PARD3B: variants seen among roughly 807,000 people sequenced by gnomAD.
PARD3B encodes the protein par-3 family cell polarity regulator beta, also known as partitioning defective 3 homolog B.
PARD3B carries 103 observed loss-of-function variants against 130.2 expected under a neutral mutation model. The observed-to-expected ratio is 0.79, with a 90% CI of 0.67 to 0.93. PARD3B has a LOEUF of 0.93. Ranked by LOEUF, PARD3B falls within the 40% of genes least tolerant of loss-of-function variation. The pLI is 0.00. For missense variants in PARD3B, 1,609 were observed against 1,499.2 expected (o/e 1.07, Z -1.21); for synonymous variants, 583 against 553.2 (o/e 1.05, Z -0.76).
At chr2:205,305,556 T>G (rs1239420669) in intron 18 of PARD3B, among the ~76,000 whole-genome samples, 1 of 152,214 alleles carries the variant, frequency 6.6e-6, no homozygotes, top group African/African-American at 2.4e-5. Context: ...GTTAACCATC[T>G]TGATGATAAT....
intron 2 of PARD3B, among the ~76,000 whole-genome samples, chr2:204,869,467 T>C (rs915020370): frequency 1.3e-5 from 2 of 152,146 alleles, no homozygotes; most frequent in Non-Finnish European, 2.9e-5. Flanking sequence ...ATATTTAGCT[T>C]ATTAGACCAC....
chr2:205,303,660 A>T (rs1019258277), intron 18 of PARD3B, among the ~76,000 whole-genome samples: 4 of 152,040 alleles, frequency 2.6e-5, no homozygotes, highest in Admixed American at 6.6e-5. Context: ...CACATCCCAC[A>T]CCAGCTCTGG....
intron 14 of PARD3B, among the ~76,000 whole-genome samples, chr2:205,192,421 G>T (rs2036446833): frequency 6.6e-6 from 1 of 152,082 alleles, no homozygotes; most frequent in Non-Finnish European, 1.5e-5. Context: ...GCCAAGGTAA[G>T]AAAATGGCTA....
chr2:204,737,092 A>G (rs1411226883), intron 2 of PARD3B, among the ~76,000 whole-genome samples: 3 of 152,012 alleles, frequency 2.0e-5, no homozygotes, highest in Admixed American at 6.5e-5. Context: ...AATTACAGCT[A>G]TGGAATTACA....
At chr2:205,602,442 G>GA (rs1162128499) in intron 22 of PARD3B, among the ~76,000 whole-genome samples, 3 of 152,056 alleles carry the variant, frequency 2.0e-5, no homozygotes, top group Admixed American at 6.5e-5. Flanking sequence ...AGTAGTTTTA[G>GA]AAAAAATGGT....
In PARD3B at chr2:204,718,830, G is replaced by C. The variant is rs191450538; in HGVS notation, c.222+32548G>C. On this transcript the variant is annotated intron_variant, in intron 2 of 22. Coordinates refer to ENST00000406610, the MANE Select transcript of PARD3B (RefSeq NM_001302769.2). ...ATCCCTGAGCAATCAGTTGTGTTGA[G>C]TTTGAGGCCAGTCACATGACATGTA... Among the ~76,000 whole-genome samples the C allele has an allele frequency of 2.7e-3, 408 of 152,292 alleles. 1 individual carries two copies. Among genetic ancestry groups the C allele is most frequent in the African/African-American group, 9.7e-3 (401 of 41,554 alleles).
At chr2:204,572,648 C>G (rs1471621207) in intron 1 of PARD3B, among the ~76,000 whole-genome samples, 1 of 152,056 alleles carries the variant, frequency 6.6e-6, no homozygotes, top group Non-Finnish European at 1.5e-5. Flanking sequence ...TTTTTCCTGA[C>G]AATATCTTAG....
rs2047091618 is a variant in PARD3B at position 204,907,826 on chromosome 2, T to C, written c.223-57326T>C. On this transcript the variant is annotated intron_variant, in intron 2 of 22. Coordinates refer to ENST00000406610, the MANE Select transcript of PARD3B (RefSeq NM_001302769.2). The surrounding 1 kb of genome is among the most constrained non-coding windows in gnomAD (Gnocchi z 5.7). The stretch of plus-strand genomic sequence containing the variant: ...AAGCAATTCCCCTGCCTCCAACTCC[T>C]GAGTAGCTGGGACTACAGGTGTGTG... 6.6e-6 allele frequency among the ~76,000 whole-genome samples: 1 copy of C among 151,974 alleles called. No homozygotes were observed.
intron 16 of PARD3B, among the ~76,000 whole-genome samples, chr2:205,256,894 G>C (rs1256973737): frequency 2.0e-5 from 3 of 151,276 alleles, no homozygotes; most frequent in Non-Finnish European, 3.0e-5. Context: ...TTAACCATGA[G>C]ACCTGTCATT....
In PARD3B at chr2:205,117,843, A is replaced by G. The variant is rs190879470; in HGVS notation, c.681-1078A>G. 1.2e-4 allele frequency among the ~76,000 whole-genome samples: 18 copies of G among 152,156 alleles called. No individual in the cohort carries two copies. In the East Asian group the frequency reaches 3.1e-3, roughly 26 times the overall value. On this transcript the variant is annotated intron_variant, in intron 6 of 22. Coordinates refer to ENST00000406610, the MANE Select transcript of PARD3B (RefSeq NM_001302769.2). ...CAAATAAGAAATAATGAAAATATGT[A>G]TAAGTTCCATTTCTTACGGTTTTTG...
chr2:205,322,788 C>T (rs1420569438), intron 18 of PARD3B, among the ~76,000 whole-genome samples: 1 of 151,080 alleles, frequency 6.6e-6, no homozygotes, highest in Non-Finnish European at 1.5e-5. Context: ...ATGTCTGTGC[C>T]CCAAATATCT....
chr2:205,033,493 A>G (rs1697572640), intron 3 of PARD3B, among the ~76,000 whole-genome samples: 1 of 152,072 alleles, frequency 6.6e-6, no homozygotes, highest in Admixed American at 6.6e-5. Flanking sequence ...TTCTAACCGT[A>G]TTCTGTAGTT....
chr2:204,859,657 C>T (rs555879352), intron 2 of PARD3B, among the ~76,000 whole-genome samples: 3 of 152,216 alleles, frequency 2.0e-5, no homozygotes, highest in South Asian at 2.1e-4. Flanking sequence ...CACATGTCAT[C>T]GTAGTTGAGT....
At chr2:204,785,787 C>CATCA (rs1480934773) in intron 2 of PARD3B, among the ~76,000 whole-genome samples, 2 of 152,056 alleles carry the variant, frequency 1.3e-5, no homozygotes, top group Non-Finnish European at 2.9e-5. Context: ...AATTATTGAA[C>CATCA]TGATAGCCAG....
chr2:204,629,127 C>G (rs1027039652), intron 1 of PARD3B, among the ~76,000 whole-genome samples: 75 of 152,182 alleles, frequency 4.9e-4, no homozygotes, highest in African/African-American at 1.7e-3. Context: ...AAAGCTTTCA[C>G]AGGGGAACAA....
At chr2:205,505,156 C>G (rs568567540) in intron 21 of PARD3B, among the ~76,000 whole-genome samples, 1 of 151,644 alleles carries the variant, frequency 6.6e-6, no homozygotes, top group Admixed American at 6.6e-5. Flanking sequence ...AACCAAACAC[C>G]GCATGTTCTC....
chr2:204,625,924 T>A (rs1052718309), intron 1 of PARD3B, among the ~76,000 whole-genome samples: 18 of 152,168 alleles, frequency 1.2e-4, no homozygotes, highest in African/African-American at 4.1e-4. Flanking sequence ...ATTACAAAAT[T>A]TGAGATTGGT....
intron 19 of PARD3B, among the ~76,000 whole-genome samples, chr2:205,436,288 A>G (rs565771244): frequency 6.6e-6 from 1 of 152,298 alleles, no homozygotes; most frequent in East Asian, 1.9e-4. Context: ...CGTAGCAACC[A>G]TGTTGAATTC....
intron 20 of PARD3B, among the ~76,000 whole-genome samples, chr2:205,477,312 A>G (rs1383299190): frequency 1.3e-5 from 2 of 152,182 alleles, no homozygotes; most frequent in African/African-American, 4.8e-5. Context: ...TCTTTGGTGC[A>G]GAGTGGAGAT....
Sources: allele counts gnomAD v4.1 joint callset (sites outside exome capture counted in the v4.1 genomes callset), GRCh38; gene constraint gnomAD v4.1.1; non-coding constraint Gnocchi (gnomAD v3.1); transcripts MANE v1.5; gene names NCBI Gene and HGNC (gene_info 2026-07-23, HGNC 2026-07-21).